Variants in TTC17 observed in about 807,000 individuals in gnomAD.
TTC17 encodes tetratricopeptide repeat protein 17.
TTC17 carries 58 observed loss-of-function variants against 143.8 expected under a neutral mutation model. The ratio of observed to expected loss-of-function variants is 0.40; its 90% confidence interval spans 0.33 to 0.50. The LOEUF (loss-of-function observed/expected upper bound fraction) is 0.50. Ranked by LOEUF, TTC17 falls within the 20% of genes least tolerant of loss-of-function variation. The probability of loss-of-function intolerance (pLI) is 0.49; values close to 1 mark genes in which losing one functional copy is unlikely to be tolerated. For missense variants in TTC17, 1,273 were observed against 1,392.5 expected, an observed-to-expected ratio of 0.91 and a Z score of 1.37; for synonymous variants, 501 against 497.8, an observed-to-expected ratio of 1.01 and a Z score of -0.09.
Position 43,450,133 on chromosome 11 carries a change from G to C in TTC17, c.2838G>C (p.Glu946Asp), listed in dbSNP as rs752039005. 2 of 1,614,194 alleles carry C rather than the reference G, an allele frequency of 1.2e-6. No homozygotes were observed. The highest frequency in any genetic ancestry group is 3.3e-5 in the Admixed American group (2 of 60,022). ...CCCCTATACAGCAGCCAGCAATGGA[G>C]CCTCTTTGCAATGGCAATCTCCCCA... ...FATPIQQPAM[E>D]PLCNGNLPTS... The change falls in exon 20 of 24, where the codon GAG (glutamate) becomes GAC (aspartate). Residue 946 changes from glutamate to aspartate, a missense_variant. Transcript: ENST00000039989.
At chr11:43,447,048 A>G (rs1168950824) in intron 18 of TTC17, among the ~76,000 whole-genome samples, 1 of 152,134 alleles carries the variant, frequency 6.6e-6, no homozygotes. Context: ...GGCCAGATGC[A>G]GTGGCTCACA....
In TTC17 at chr11:43,358,943, C is replaced by T; in HGVS notation, c.-12C>T. ...CCGCTTCCGGTGTGAGCGGCCCGGC[C>T]GGGGGGGCAAGATGGCGGCGGCAGT... On this transcript the variant is annotated 5_prime_UTR_variant, in exon 1 of 24. Coordinates refer to ENST00000039989, the MANE Select transcript of TTC17 (RefSeq NM_018259.6). 1.3e-6 allele frequency: 2 copies of T among 1,567,168 alleles called. No homozygotes were observed. Among genetic ancestry groups the T allele is most frequent in the Non-Finnish European group, 1.7e-6 (2 of 1,157,492 alleles).
chr11:43,485,331 A>G (rs1948361369), intron 21 of TTC17, among the ~76,000 whole-genome samples: 1 of 152,196 alleles, frequency 6.6e-6, no homozygotes, highest in Non-Finnish European at 1.5e-5. Flanking sequence ...TTCAATCTTC[A>G]TATCTTACAC....
chr11:43,402,067 TTA>T (rs1857887546), intron 10 of TTC17, among the ~76,000 whole-genome samples: 1 of 152,054 alleles, frequency 6.6e-6, no homozygotes, highest in African/African-American at 2.4e-5. Context: ...TGTTATGTTG[TTA>T]TGTTTACGAA....
At chr11:43,359,459 C>G (rs915457625) in intron 1 of TTC17, among the ~76,000 whole-genome samples, 1 of 152,288 alleles carries the variant, frequency 6.6e-6, no homozygotes, top group East Asian at 1.9e-4. Context: ...CCTTTGGTGC[C>G]TCTCGGGTTC....
At chr11:43,434,480 A>G (rs192732390) in intron 16 of TTC17, among the ~76,000 whole-genome samples, 204 of 152,202 alleles carry the variant, frequency 1.3e-3, no homozygotes, top group African/African-American at 4.6e-3. Flanking sequence ...CTTACTTTTG[A>G]CTTTAGGCAA....
chr11:43,401,309 A>C lies in TTC17; in HGVS notation c.1220-137A>C, dbSNP rs765504742. ...ATTAACCATTAATGAATATTTCTCTATATAAGTACGTCCTACGTAAGTAGC... is the reference window on the plus strand; with the variant it reads ...ATTAACCATTAATGAATATTTCTCTCTATAAGTACGTCCTACGTAAGTAGC... On this transcript the variant is annotated intron_variant, in intron 9 of 23. Transcript: ENST00000039989. 7.9e-5 allele frequency: 45 copies of C among 566,368 alleles called. No individual in the cohort carries two copies. In the South Asian group the frequency reaches 1.1e-3, roughly 14 times the overall value. 35.1% of individuals were successfully genotyped at this position (566,368 alleles called of 1,614,324 possible). A position where few individuals can be genotyped will look rare whatever the true frequency, so the allele number is the denominator to read the frequency against.
At chr11:43,365,267 GT>G (rs557040013) in intron 1 of TTC17, among the ~76,000 whole-genome samples, 40 of 151,438 alleles carry the variant, frequency 2.6e-4, no homozygotes, top group African/African-American at 9.7e-4. Flanking sequence ...CACCTGGTTA[GT>G]TTTTTTTTAT....
At chr11:43,390,698 A>G (rs1390376356) in intron 3 of TTC17, among the ~76,000 whole-genome samples, 1 of 151,848 alleles carries the variant, frequency 6.6e-6, no homozygotes, top group African/African-American at 2.4e-5. Context: ...AAATTGAACA[A>G]TTTGTAGTTA....
At chr11:43,475,879 G>A (rs572289554) in intron 21 of TTC17, among the ~76,000 whole-genome samples, 4 of 152,292 alleles carry the variant, frequency 2.6e-5, no homozygotes, top group Non-Finnish European at 5.9e-5. Context: ...AAATGAATGA[G>A]TTCTTTTTTG....
chr11:43,360,877 G>A lies in TTC17; in HGVS notation c.159+1764G>A, dbSNP rs567929340. On this transcript the variant is annotated intron_variant, in intron 1 of 23. Transcript: ENST00000039989. ...GCTGAGCTAAGTAATTAGGCTTAAA[G>A]TTTAAAAAGCAAGATTTCTCTATTA... is the stretch of plus-strand genomic sequence containing the variant. Among the ~76,000 whole-genome samples, 34 of 152,256 alleles carry A rather than the reference G, an allele frequency of 2.2e-4. 1 individual carries two copies. The South Asian group carries it at 7.0e-3, about 32-fold the overall frequency.
chr11:43,359,297 C>T (rs1189839917), intron 1 of TTC17, 184 bp downstream of exon 1: 6 of 718,252 alleles, frequency 8.4e-6, no homozygotes, highest in Non-Finnish European at 1.1e-5. Context: ...CCCCACTTGT[C>T]TCCTGGTCCT....
chr11:43,370,729 A>G (rs1011632815), intron 1 of TTC17, among the ~76,000 whole-genome samples: 1 of 152,210 alleles, frequency 6.6e-6, no homozygotes, highest in African/African-American at 2.4e-5. Flanking sequence ...GTAAAGTCAT[A>G]TCAACTAGAA....
intron 16 of TTC17, among the ~76,000 whole-genome samples, chr11:43,429,545 T>C (rs1947106075): frequency 6.6e-6 from 1 of 152,242 alleles, no homozygotes; most frequent in East Asian, 1.9e-4. Flanking sequence ...AACTGAAAGA[T>C]ATATTTTTGT....
chr11:43,401,819 CAT>C (rs1436056095), intron 10 of TTC17, among the ~76,000 whole-genome samples: 2 of 151,528 alleles, frequency 1.3e-5, no homozygotes, highest in South Asian at 2.1e-4. Context: ...TCTACAAAAA[CAT>C]ATATAAATTG....
At chr11:43,486,284 G>A (rs1948379893) in intron 21 of TTC17, 1 of 271,792 alleles carries the variant, frequency 3.7e-6, no homozygotes, top group African/African-American at 2.2e-5. Flanking sequence ...ATTCTGAGTA[G>A]CATGATGAAA....
At chr11:43,395,743 CTA>C (rs1287073342) in intron 5 of TTC17, among the ~76,000 whole-genome samples, 1 of 152,158 alleles carries the variant, frequency 6.6e-6, no homozygotes, top group African/African-American at 2.4e-5. Flanking sequence ...TAAATTCAAA[CTA>C]TTTTTAACTA....
At chr11:43,445,956 A>G (rs1477795431) in intron 18 of TTC17, 1 of 1,454,616 alleles carries the variant, frequency 6.9e-7, no homozygotes, top group Non-Finnish European at 9.3e-7. Context: ...AGACCAGGAA[A>G]GTGCCATAGA....
At chr11:43,419,220 T>G (rs573457143) in intron 16 of TTC17, among the ~76,000 whole-genome samples, 2 of 152,230 alleles carry the variant, frequency 1.3e-5, no homozygotes, top group African/African-American at 4.8e-5. Context: ...CTTTAATGTT[T>G]AGGTGTTCCT....
Sources: allele counts gnomAD v4.1 joint callset (sites outside exome capture counted in the v4.1 genomes callset), GRCh38; gene constraint gnomAD v4.1.1; transcripts MANE v1.5; gene names NCBI Gene and HGNC (gene_info 2026-07-23, HGNC 2026-07-21).